The following ARHGAP10 variants were observed in gnomAD, a reference collection of about 807,000 sequenced individuals.
The protein encoded by ARHGAP10 is rho GTPase-activating protein 10.
Under a neutral mutation model 108.6 loss-of-function variants are expected in ARHGAP10, and 87 were observed. The observed-to-expected ratio is 0.80, with a 90% CI of 0.67 to 0.96. The LOEUF (loss-of-function observed/expected upper bound fraction) is 0.96, where lower values mean the gene tolerates loss of function less well. ARHGAP10 is among the 40% of genes least tolerant of loss of function. ARHGAP10 has a pLI of 0.00. For synonymous variants in ARHGAP10, 347 were observed against 341.1 expected (o/e 1.02, Z -0.19); for missense variants, 939 against 954.5 (o/e 0.98, Z 0.21).
rs1736691394 is a variant in ARHGAP10, at chr4:147,910,591, T to G, written c.1162+814T>G. On this transcript the variant is annotated intron_variant, in intron 12 of 22. Transcript: ENST00000336498. ...TGGACAATAGCAACAACAATTAAATTTATTCAAATATTCAAGGACAACGAT... is the reference window on the plus strand; with the variant it reads ...TGGACAATAGCAACAACAATTAAATGTATTCAAATATTCAAGGACAACGAT... Among the ~76,000 whole-genome samples the G allele has an allele frequency of 2.0e-5, 3 of 152,130 alleles. No individual in the cohort carries two copies. The South Asian group carries it at 6.2e-4, about 32-fold the overall frequency.
intron 10 of ARHGAP10, among the ~76,000 whole-genome samples, chr4:147,895,597 A>G (rs1735963287): frequency 6.6e-6 from 1 of 151,424 alleles, no homozygotes; most frequent in African/African-American, 2.4e-5. Context: ...AGGTGGGAAG[A>G]CAGTTTGAGC....
At chr4:147,851,506 C>G (rs574433755) in intron 4 of ARHGAP10, among the ~76,000 whole-genome samples, 1 of 152,296 alleles carries the variant, frequency 6.6e-6, no homozygotes, top group East Asian at 1.9e-4. Context: ...AGCCACTGTG[C>G]CCAGCCTAAT....
At position 147,840,450 on chromosome 4, in the gene ARHGAP10, G is replaced by A. The variant is rs142572152; in HGVS notation, c.313-6701G>A. 2.2e-3 allele frequency among the ~76,000 whole-genome samples: 332 copies of A among 151,764 alleles called. 1 individual carries two copies. The highest frequency in any genetic ancestry group is 6.8e-3 in the Middle Eastern group (2 of 294). ...CCTCCTAAACCTTTTTAGCATTCTGGTTACATTCCTGCTTTACCCCAGTTG... is the reference window on the plus strand; with the variant it reads ...CCTCCTAAACCTTTTTAGCATTCTGATTACATTCCTGCTTTACCCCAGTTG... On this transcript the variant is annotated intron_variant, in intron 3 of 22. Coordinates refer to ENST00000336498, the MANE Select transcript of ARHGAP10 (RefSeq NM_024605.4).
At chr4:147,781,172 C>T (rs1560753580) in intron 1 of ARHGAP10, among the ~76,000 whole-genome samples, 1 of 152,066 alleles carries the variant, frequency 6.6e-6, no homozygotes, top group East Asian at 1.9e-4. Context: ...TTCTGGCTAA[C>T]ATGGTGAAAC....
At chr4:147,976,540 G>GC (rs1489451754) in intron 18 of ARHGAP10, among the ~76,000 whole-genome samples, 221 of 137,546 alleles carry the variant, frequency 1.6e-3, no homozygotes, top group African/African-American at 6.3e-3. Context: ...TTTTGTGTGT[G>GC]GTTTTTTTTT....
intron 18 of ARHGAP10, among the ~76,000 whole-genome samples, chr4:148,014,331 C>T (rs990193657): frequency 3.3e-5 from 5 of 152,160 alleles, no homozygotes; most frequent in Admixed American, 1.3e-4. Flanking sequence ...CTTCAGAAAT[C>T]GTATGCTGTG....
At chr4:148,027,677 C>A (rs1727936689) in intron 19 of ARHGAP10, among the ~76,000 whole-genome samples, 1 of 152,082 alleles carries the variant, frequency 6.6e-6, no homozygotes, top group Non-Finnish European at 1.5e-5. Context: ...TGAGTAATAT[C>A]AAATTAGAAC....
Position 147,853,292 on chromosome 4 carries a change from C to T in ARHGAP10, c.385-4261C>T, listed in dbSNP as rs186699970. Among the ~76,000 whole-genome samples the T allele has an allele frequency of 7.2e-5, 11 of 152,292 alleles. No homozygotes were observed. In the East Asian group the frequency reaches 7.7e-4, roughly 11 times the overall value. ...TCCACACGGACAGTGGCCCTGGCCA[C>T]GAATCGGTTTTTATTTTTCCCTTAT... is the stretch of plus-strand genomic sequence containing the variant. On this transcript the variant is annotated intron_variant, in intron 4 of 22. Transcript: ENST00000336498.
intron 1 of ARHGAP10, among the ~76,000 whole-genome samples, chr4:147,790,267 A>G (rs1731066412): frequency 1.3e-5 from 2 of 152,138 alleles, no homozygotes; most frequent in Admixed American, 1.3e-4. Flanking sequence ...ATAATTCCAT[A>G]AGGTGGGCTT....
intron 1 of ARHGAP10, among the ~76,000 whole-genome samples, chr4:147,734,100 C>T (rs1211501185): frequency 6.6e-6 from 1 of 152,080 alleles, no homozygotes; most frequent in Non-Finnish European, 1.5e-5. Flanking sequence ...ACTGAGGACT[C>T]TTTCTGTAAC....
At chr4:148,003,814 G>A (rs573491724) in intron 18 of ARHGAP10, among the ~76,000 whole-genome samples, 2 of 116,230 alleles carry the variant, frequency 1.7e-5, no homozygotes, top group South Asian at 5.7e-4. Flanking sequence ...CTCTGCATGT[G>A]AGATGGGTTT....
At chr4:147,732,482 G>A in intron 1 of ARHGAP10, 27 bp downstream of exon 1, 2 of 1,606,800 alleles carry the variant, frequency 1.2e-6, no homozygotes, top group Non-Finnish European at 1.7e-6. Flanking sequence ...GCGCGGACGG[G>A]CTGCGGCGTG....
chr4:147,895,462 A>G (rs1247451834), intron 10 of ARHGAP10, among the ~76,000 whole-genome samples: 1 of 139,630 alleles, frequency 7.2e-6, no homozygotes, highest in Non-Finnish European at 1.5e-5. Flanking sequence ...ACTTGAGCTC[A>G]GGGTTAGAGA....
At chr4:147,906,793 T>G in intron 11 of ARHGAP10, 74 bp downstream of exon 11, 1 of 1,566,808 alleles carries the variant, frequency 6.4e-7, no homozygotes, top group Non-Finnish European at 8.8e-7. Flanking sequence ...ATGTTATTTT[T>G]GTGTAGTATT....
intron 10 of ARHGAP10, among the ~76,000 whole-genome samples, chr4:147,888,110 C>T (rs1342594354): frequency 6.6e-6 from 1 of 152,152 alleles, no homozygotes; most frequent in Non-Finnish European, 1.5e-5. Flanking sequence ...GCATCACTGG[C>T]TTCTTCACTT....
At chr4:147,738,040 ACTAG>A (rs1169584721) in intron 1 of ARHGAP10, among the ~76,000 whole-genome samples, 2 of 135,096 alleles carry the variant, frequency 1.5e-5, no homozygotes, top group African/African-American at 5.6e-5. Flanking sequence ...TTTTGAGGGG[ACTAG>A]GGTACATTGT....
chr4:148,069,278 G>A (rs7666432), intron 22 of ARHGAP10, among the ~76,000 whole-genome samples: 2,373 of 152,170 alleles, frequency 0.016, 56 homozygotes, highest in African/African-American at 0.053. Context: ...AGCCCACCTC[G>A]CCCACTGCTC....
intron 19 of ARHGAP10, among the ~76,000 whole-genome samples, chr4:148,039,661 C>T (rs1728548296): frequency 2.0e-5 from 3 of 151,920 alleles, no homozygotes; most frequent in Non-Finnish European, 2.9e-5. Context: ...TGATGCCAAT[C>T]TGATTCTTTT....
At chr4:147,895,098 A>G (rs142574077) in intron 10 of ARHGAP10, among the ~76,000 whole-genome samples, 3 of 152,140 alleles carry the variant, frequency 2.0e-5, no homozygotes, top group African/African-American at 7.2e-5. Flanking sequence ...TTGATTTTCC[A>G]TTTATTTAGA....
Sources: gnomAD v4.1 joint callset for allele counts (sites outside exome capture counted in the v4.1 genomes callset) on GRCh38, gnomAD v4.1.1 for gene constraint, MANE v1.5 for transcripts, NCBI Gene and HGNC (gene_info 2026-07-23, HGNC 2026-07-21) for gene names.